The following RAB20 variants were observed in gnomAD, a reference collection of about 807,000 sequenced individuals.
RAB20 encodes the protein ras-related protein Rab-20.
Under a neutral mutation model 3.7 loss-of-function variants are expected in RAB20, and 2 were observed. The observed-to-expected ratio is 0.54, with a 90% CI of 0.22 to 1.69. RAB20 has a LOEUF of 1.69. Ranked by LOEUF, RAB20 falls within the 40% of genes most tolerant of loss-of-function variation. The pLI is 0.19. For synonymous variants in RAB20, 126 were observed against 130.8 expected (o/e 0.96, Z 0.25); for missense variants, 276 against 311.9 (o/e 0.88, Z 0.87).
At chr13:110,534,467 G>T (rs372477371) in intron 1 of RAB20, among the ~76,000 whole-genome samples, 18 of 152,168 alleles carry the variant, frequency 1.2e-4, no homozygotes, top group African/African-American at 3.6e-4. Context: ...CGAGTGTGCC[G>T]GTCAAGGGTG....
chr13:110,561,609 G>A lies in RAB20; in HGVS notation c.-90C>T, dbSNP rs1211095873. On this transcript the variant is annotated 5_prime_UTR_variant, in exon 1 of 2. Coordinates refer to ENST00000267328, the MANE Select transcript of RAB20 (RefSeq NM_017817.3). ...GGGCGCAGCTGGAGGAGCGGACCCC[G>A]GACTCGCCGGGACCCGGATTCTCGT... The A allele has an allele frequency of 2.0e-6, 3 of 1,482,288 alleles. No homozygotes were observed. The African/African-American group carries it at 4.4e-5, about 22-fold the overall frequency. 91.8% of individuals were successfully genotyped at this position (1,482,288 alleles called of 1,614,324 possible). A position where few individuals can be genotyped will look rare whatever the true frequency, so the allele number is the denominator to read the frequency against.
At chr13:110,526,079 G>T (rs1289403154) in intron 1 of RAB20, among the ~76,000 whole-genome samples, 2 of 152,252 alleles carry the variant, frequency 1.3e-5, no homozygotes, top group Non-Finnish European at 2.9e-5. Flanking sequence ...CTGCAGACAG[G>T]CCTGGAAGCT....
chr13:110,543,996 A>G (rs1884811234), intron 1 of RAB20, among the ~76,000 whole-genome samples: 1 of 152,012 alleles, frequency 6.6e-6, no homozygotes, highest in South Asian at 2.1e-4. Context: ...GCTGGTCTCA[A>G]ACTCCTCCTG....
rs3074492 is a variant in RAB20 at position 110,538,623 on chromosome 13, GA to G, written c.173-14427del. Among the ~76,000 whole-genome samples, 306 of 62,598 alleles carry G rather than the reference GA, an allele frequency of 4.9e-3. 5 individuals carry two copies. The highest frequency in any genetic ancestry group is 0.027 in the African/African-American group (260 of 9,494). 41.1% of individuals were successfully genotyped at this position (62,598 alleles called of 152,430 possible). A position where few individuals can be genotyped will look rare whatever the true frequency, so the allele number is the denominator to read the frequency against. The stretch of plus-strand genomic sequence containing the variant: ...AAAAAAAAAAAAAAAAAAAAAGAAA[GA>G]AAAGAAAAGAAAAGAAAAAGAAATA... On this transcript the variant is annotated intron_variant, in intron 1 of 1. Coordinates refer to ENST00000267328, the MANE Select transcript of RAB20 (RefSeq NM_017817.3).
At chr13:110,527,435 G>A (rs1475955627) in intron 1 of RAB20, among the ~76,000 whole-genome samples, 2 of 152,168 alleles carry the variant, frequency 1.3e-5, no homozygotes, top group Non-Finnish European at 2.9e-5. Flanking sequence ...TGGGAGCTGA[G>A]CCCAGACCAG....
chr13:110,550,959 G>A (rs1445067885), intron 1 of RAB20, among the ~76,000 whole-genome samples: 1 of 152,064 alleles, frequency 6.6e-6, no homozygotes, highest in Non-Finnish European at 1.5e-5. Flanking sequence ...CGCACACAAT[G>A]GCCTATTGTA....
At chr13:110,527,575 C>G (rs1022593247) in intron 1 of RAB20, among the ~76,000 whole-genome samples, 1 of 152,100 alleles carries the variant, frequency 6.6e-6, no homozygotes, top group African/African-American at 2.4e-5. Context: ...ACAGAGCCAC[C>G]CTGTTGGCAA....
At chr13:110,531,580 G>A (rs1594129945) in intron 1 of RAB20, among the ~76,000 whole-genome samples, 1 of 152,356 alleles carries the variant, frequency 6.6e-6, no homozygotes, top group African/African-American at 2.4e-5. Context: ...TGAGAAAGCA[G>A]AATCTGCACA....
At chr13:110,548,542 C>CT (rs11412113) in intron 1 of RAB20, among the ~76,000 whole-genome samples, 124,803 of 151,868 alleles carry the variant, frequency 0.82, 53,043 homozygotes, top group South Asian at 0.94. Context: ...ACAATTCAGT[C>CT]TCACCTGCCT....
chr13:110,534,413 CCT>C (rs911099376), intron 1 of RAB20, among the ~76,000 whole-genome samples: 10 of 152,176 alleles, frequency 6.6e-5, no homozygotes, highest in South Asian at 2.1e-4. Context: ...CAGGCTGTCC[CCT>C]GAGGCCGAGC....
At chr13:110,549,668 A>G (rs1478634926) in intron 1 of RAB20, among the ~76,000 whole-genome samples, 1 of 152,170 alleles carries the variant, frequency 6.6e-6, no homozygotes, top group African/African-American at 2.4e-5. Context: ...CTGAACAGAC[A>G]GGCCTTGCTG....
chr13:110,542,055 TTTTTG>T (rs544599023), intron 1 of RAB20, among the ~76,000 whole-genome samples: 20 of 152,250 alleles, frequency 1.3e-4, no homozygotes, highest in East Asian at 1.9e-4. Context: ...GTTGGTTTTG[TTTTTG>T]TTTTGTTTTG....
chr13:110,528,832 GC>G (rs1884477694), intron 1 of RAB20, among the ~76,000 whole-genome samples: 1 of 152,186 alleles, frequency 6.6e-6, no homozygotes, highest in Admixed American at 6.5e-5. Flanking sequence ...ACAAATGCTA[GC>G]CAGAAAAAAG....
At chr13:110,549,472 CTA>C (rs71812542) in intron 1 of RAB20, among the ~76,000 whole-genome samples, 23,876 of 152,102 alleles carry the variant, frequency 0.16, 3,432 homozygotes, top group African/African-American at 0.39. Flanking sequence ...TTGTTACAAT[CTA>C]TTGTTATAAT....
chr13:110,527,449 C>T (rs418543), intron 1 of RAB20, among the ~76,000 whole-genome samples: 109,468 of 152,080 alleles, frequency 0.72, 40,272 homozygotes, highest in African/African-American at 0.87. Flanking sequence ...AGACCAGCTC[C>T]GGTAGGAGTC....
rs564626618 is a variant in RAB20, at chr13:110,557,911, G to A, written c.172+3437C>T. 1.2e-4 allele frequency among the ~76,000 whole-genome samples: 18 copies of A among 152,370 alleles called. No homozygotes were observed. In the East Asian group the frequency reaches 1.9e-3, roughly 16 times the overall value. ...CAGGTCTGTGCTGGGCACACCAGCCGCTTTCTCATCAGCCTGTCGTATTTT... is the reference window on the plus strand; with the variant it reads ...CAGGTCTGTGCTGGGCACACCAGCCACTTTCTCATCAGCCTGTCGTATTTT... On this transcript the variant is annotated intron_variant, in intron 1 of 1. Coordinates refer to ENST00000267328, the MANE Select transcript of RAB20 (RefSeq NM_017817.3).
At chr13:110,536,015 T>C (rs1381489707) in intron 1 of RAB20, among the ~76,000 whole-genome samples, 2 of 152,220 alleles carry the variant, frequency 1.3e-5, no homozygotes, top group South Asian at 2.1e-4. Flanking sequence ...TGTGACCACA[T>C]GGAGTACGGC....
chr13:110,547,436 G>A (rs377409183), intron 1 of RAB20, among the ~76,000 whole-genome samples: 1 of 152,236 alleles, frequency 6.6e-6, no homozygotes, highest in East Asian at 1.9e-4. Context: ...ATCGTTGGGT[G>A]CAGCAGGACT....
intron 1 of RAB20, among the ~76,000 whole-genome samples, chr13:110,548,581 C>T (rs1026415171): frequency 2.0e-5 from 3 of 152,068 alleles, no homozygotes; most frequent in South Asian, 2.1e-4. Flanking sequence ...CAGGGGAGCG[C>T]GGTGGGCTCA....
Sources: gnomAD v4.1 joint callset for allele counts (sites outside exome capture counted in the v4.1 genomes callset) on GRCh38, gnomAD v4.1.1 for gene constraint, MANE v1.5 for transcripts, NCBI Gene and HGNC (gene_info 2026-07-23, HGNC 2026-07-21) for gene names.